The following OR9Q1 variants were observed in gnomAD, a reference collection of about 807,000 sequenced individuals.
The protein encoded by OR9Q1 is olfactory receptor 9Q1.
For synonymous variants in OR9Q1, 153 were observed against 148.6 expected (o/e 1.03, Z -0.22); for missense variants, 374 against 378.8 (o/e 0.99, Z 0.11).
At chr11:58,178,707 G>A (rs1158103575) in intron 2 of OR9Q1, among the ~76,000 whole-genome samples, 2 of 151,746 alleles carry the variant, frequency 1.3e-5, no homozygotes, top group Non-Finnish European at 2.9e-5. Flanking sequence ...AGCTCACACA[G>A]CTACTTAGCA....
chr11:58,033,948 A>T (rs1243045450), intron 1 of OR9Q1, among the ~76,000 whole-genome samples: 1 of 151,748 alleles, frequency 6.6e-6, no homozygotes, highest in African/African-American at 2.4e-5. Context: ...GTCCACAGTG[A>T]GTGTTCCAGC....
chr11:58,097,240 C>A (rs950885603), intron 2 of OR9Q1, among the ~76,000 whole-genome samples: 2 of 152,158 alleles, frequency 1.3e-5, no homozygotes, highest in Admixed American at 1.3e-4. Flanking sequence ...ATTATTCTGT[C>A]CATACACATT....
intron 1 of OR9Q1, among the ~76,000 whole-genome samples, chr11:58,035,464 T>G (rs1444549222): frequency 6.6e-6 from 1 of 152,238 alleles, no homozygotes; most frequent in East Asian, 1.9e-4. Context: ...GTGTCAACTC[T>G]TTTGAAGTAA....
At chr11:58,139,477 C>G (rs1016819040) in intron 2 of OR9Q1, among the ~76,000 whole-genome samples, 2 of 151,746 alleles carry the variant, frequency 1.3e-5, no homozygotes, top group Admixed American at 6.6e-5. Flanking sequence ...TGTTCCCCTT[C>G]CTGTGTCTAT....
intron 2 of OR9Q1, among the ~76,000 whole-genome samples, chr11:58,093,204 AT>A (rs894202657): frequency 3.9e-5 from 6 of 152,148 alleles, no homozygotes; most frequent in Admixed American, 6.5e-5. Flanking sequence ...CAATAAAAAT[AT>A]TTTTTATCAT....
intron 2 of OR9Q1, among the ~76,000 whole-genome samples, chr11:58,060,609 T>A (rs1466057): frequency 0.99 from 150,824 of 152,238 alleles, 74,730 homozygotes; most frequent in East Asian, 1. Context: ...CAGCAAAAAA[T>A]ATTTCAGGAG....
At chr11:58,068,605 TCA>T (rs1853457038) in intron 2 of OR9Q1, among the ~76,000 whole-genome samples, 1 of 152,150 alleles carries the variant, frequency 6.6e-6, no homozygotes, top group South Asian at 2.1e-4. Flanking sequence ...CACCTTTATC[TCA>T]CATAAAATGG....
At chr11:58,093,950 C>T (rs891164255) in intron 2 of OR9Q1, among the ~76,000 whole-genome samples, 12 of 151,918 alleles carry the variant, frequency 7.9e-5, no homozygotes, top group African/African-American at 1.2e-4. Flanking sequence ...TGGATATCTA[C>T]CCAAAGGAAA....
At chr11:58,061,445 T>C (rs1295707502) in intron 2 of OR9Q1, among the ~76,000 whole-genome samples, 2 of 152,212 alleles carry the variant, frequency 1.3e-5, no homozygotes, top group Non-Finnish European at 2.9e-5. Context: ...GCAAATACAT[T>C]ATCATTAACC....
At chr11:58,053,661 AAT>A (rs1217397265) in intron 1 of OR9Q1, among the ~76,000 whole-genome samples, 3 of 22,934 alleles carry the variant, frequency 1.3e-4, no homozygotes, top group Non-Finnish European at 3.4e-4. Context: ...ATATATATAA[AAT>A]ATATATATAA....
At chr11:58,117,773 G>GA (rs1224659183) in intron 2 of OR9Q1, 9 of 152,136 alleles carry the variant, frequency 5.9e-5, no homozygotes, top group African/African-American at 2.2e-4. Context: ...GAGAGAGCTT[G>GA]AGGAGACATT....
chr11:58,125,592 A>G (rs1854083400), intron 2 of OR9Q1: 1 of 152,196 alleles, frequency 6.6e-6, no homozygotes, highest in Admixed American at 6.5e-5. Context: ...GGATATTTAA[A>G]TTGCCTTTGG....
intron 2 of OR9Q1, among the ~76,000 whole-genome samples, chr11:58,071,161 A>T (rs1032338059): frequency 6.6e-6 from 1 of 152,208 alleles, no homozygotes; most frequent in Non-Finnish European, 1.5e-5. Context: ...AATGGGCTGC[A>T]TATGTATTTC....
At chr11:58,146,906 C>A (rs1395610613) in intron 2 of OR9Q1, among the ~76,000 whole-genome samples, 1 of 152,124 alleles carries the variant, frequency 6.6e-6, no homozygotes, top group Non-Finnish European at 1.5e-5. Flanking sequence ...TGTCACAGAG[C>A]CTTGCAGATT....
At chr11:58,076,676 G>C (rs367736900) in intron 2 of OR9Q1, among the ~76,000 whole-genome samples, 1 of 152,016 alleles carries the variant, frequency 6.6e-6, no homozygotes, top group African/African-American at 2.4e-5. Flanking sequence ...TTATAGAGAC[G>C]AGGTCTCACT....
chr11:58,180,450 T>A lies in OR9Q1; in HGVS notation c.*73T>A. 1 of 901,556 alleles carries A rather than the reference T, an allele frequency of 1.1e-6. No homozygotes were observed. The highest frequency in any genetic ancestry group is 1.7e-6 in the Non-Finnish European group (1 of 588,978). 55.8% of individuals were successfully genotyped at this position (901,556 alleles called of 1,614,324 possible). On this transcript the variant is annotated 3_prime_UTR_variant, in exon 3 of 3. Transcript: ENST00000335397. ...CAGAATTCTGGACGCTCATTATTTA[T>A]AGCATGCTCAATGTTTAAATGAATA...
At chr11:58,048,679 A>AAAATATATATATATATAT (rs745596668) in intron 1 of OR9Q1, among the ~76,000 whole-genome samples, 7 of 131,384 alleles carry the variant, frequency 5.3e-5, no homozygotes, top group African/African-American at 2.0e-4. Flanking sequence ...TAAAAAAAAA[A>AAAATATATATATATATAT]ATATATATAT....
In OR9Q1 at chr11:58,053,615, AT is replaced by A. The variant is rs1565062073; in HGVS notation, c.-92-2254del. Among the ~76,000 whole-genome samples the A allele has an allele frequency of 8.3e-3, 216 of 26,078 alleles. 1 individual carries two copies. The highest frequency in any genetic ancestry group is 0.016 in the African/African-American group (200 of 12,426). The allele number at this position is 26,078 out of a possible 152,430, so 17.1% of individuals were successfully genotyped here. A position where few individuals can be genotyped will look rare whatever the true frequency, so the allele number is the denominator to read the frequency against. On this transcript the variant is annotated intron_variant, in intron 1 of 2. Transcript: ENST00000335397. Reference sequence around the variant, plus strand: ...AAGTATAATAATAAAATTAAAAAATATATATATATATAAAATATATATATAT... The same window carrying A: ...AAGTATAATAATAAAATTAAAAAATAATATATATATAAAATATATATATAT...
chr11:58,166,730 G>A lies in OR9Q1; in HGVS notation c.-14-12701G>A, dbSNP rs554919353. ...CATAGTTTGGTTCACTGTGGACTGC[G>A]GGAAACATTTGGCATGAGATTCAAA... On this transcript the variant is annotated intron_variant, in intron 2 of 2. Transcript: ENST00000335397. Among the ~76,000 whole-genome samples the A allele has an allele frequency of 9.2e-4, 140 of 152,134 alleles. 1 individual carries two copies. Among genetic ancestry groups the A allele is most frequent in the African/African-American group, 2.9e-3 (122 of 41,536 alleles).
Sources: allele counts gnomAD v4.1 joint callset (sites outside exome capture counted in the v4.1 genomes callset), GRCh38; gene constraint gnomAD v4.1.1; transcripts MANE v1.5; gene names NCBI Gene and HGNC (gene_info 2026-07-23, HGNC 2026-07-21).